STIM2: variants seen among roughly 807,000 people sequenced by gnomAD.
The protein encoded by STIM2 is stromal interaction molecule 2.
STIM2 carries 31 observed loss-of-function variants against 85.8 expected under a neutral mutation model. That is an observed-to-expected ratio of 0.36 (90% CI 0.27 to 0.49). The LOEUF (loss-of-function observed/expected upper bound fraction) is 0.49, where lower values mean the gene tolerates loss of function less well. Ranked by LOEUF, STIM2 falls within the 20% of genes least tolerant of loss-of-function variation. STIM2 has a pLI of 0.98. For missense variants in STIM2, 841 were observed against 927.6 expected, an observed-to-expected ratio of 0.91 and a Z score of 1.21; for synonymous variants, 356 against 331.1, an observed-to-expected ratio of 1.08 and a Z score of -0.82.
At chr4:26,874,595 A>G (rs575219222) in intron 1 of STIM2, among the ~76,000 whole-genome samples, 2 of 152,334 alleles carry the variant, frequency 1.3e-5, no homozygotes, top group East Asian at 1.9e-4. Context: ...GGATAATTTC[A>G]TATCTTTTCG....
chr4:27,017,899 G>A lies in STIM2; in HGVS notation c.1678G>A (p.Asp560Asn). The change falls in exon 11 of 12, where the codon GAT (aspartate) becomes AAT (asparagine). Residue 560 changes from aspartate (D) to asparagine (N), a missense_variant. By Grantham distance (23) the Asp-to-Asn change is conservative. Transcript: ENST00000467087. ...ACACTCCTTGCCTTCCCCTGATCCA[G>A]ATATCCTCTCAGTGTCAAGTTGCCC... 1.2e-6 allele frequency: 2 copies of A among 1,614,096 alleles called. No individual in the cohort carries two copies. The highest frequency in any genetic ancestry group is 2.2e-5 in the South Asian group (2 of 91,082).
intron 10 of STIM2, among the ~76,000 whole-genome samples, 174 bp from the exon 11 acceptor site, chr4:27,017,531 ATTTCTT>A (rs887454982): frequency 4.7e-5 from 7 of 149,688 alleles, no homozygotes; most frequent in African/African-American, 1.7e-4. Flanking sequence ...TTTTGTTTCT[ATTTCTT>A]AACTTTCCTA....
At chr4:26,964,220 T>C (rs778476658) in intron 3 of STIM2, among the ~76,000 whole-genome samples, 12 of 152,328 alleles carry the variant, frequency 7.9e-5, no homozygotes, top group Admixed American at 2.0e-4. Context: ...CATATTCCAG[T>C]GCTTACCAAT....
intron 4 of STIM2, among the ~76,000 whole-genome samples, chr4:26,997,542 CAT>C (rs1330013769): frequency 1.1e-4 from 16 of 152,222 alleles, no homozygotes; most frequent in Non-Finnish European, 2.2e-4. Flanking sequence ...CCTCTGGACT[CAT>C]ATTGAATCTC....
At chr4:26,995,638 T>C (rs1727935637) in intron 4 of STIM2, 148 bp downstream of exon 4, 1 of 386,484 alleles carries the variant, frequency 2.6e-6, no homozygotes, top group East Asian at 4.1e-5. Context: ...TTCTAAATTA[T>C]GCATTTTCAA....
At chr4:26,915,699 T>G (rs1724549927) in intron 1 of STIM2, among the ~76,000 whole-genome samples, 1 of 152,270 alleles carries the variant, frequency 6.6e-6, no homozygotes. Context: ...GCAGCTGGTT[T>G]CTTTTCCCTC....
At chr4:26,873,071 C>G (rs1324938494) in intron 1 of STIM2, among the ~76,000 whole-genome samples, 1 of 152,178 alleles carries the variant, frequency 6.6e-6, no homozygotes, top group Admixed American at 6.5e-5. Flanking sequence ...TGGTACAGAG[C>G]CTCATAGACC....
intron 2 of STIM2, among the ~76,000 whole-genome samples, chr4:26,949,108 GT>G (rs1007981524): frequency 4.6e-5 from 7 of 151,806 alleles, no homozygotes; most frequent in African/African-American, 1.7e-4. Context: ...TTTTCTTTTT[GT>G]TTAGATAGTC....
intron 1 of STIM2, among the ~76,000 whole-genome samples, chr4:26,885,859 A>ATATATATGTATATGTATATATATATATG (rs1560194659): frequency 1.1e-5 from 1 of 89,440 alleles, no homozygotes; most frequent in Admixed American, 1.2e-4. Flanking sequence ...ATATATATAT[A>ATATATATGTATATGTATATATATATATG]TATATATATA....
intron 1 of STIM2, among the ~76,000 whole-genome samples, chr4:26,893,955 C>T (rs1007810416): frequency 6.6e-6 from 1 of 152,074 alleles, no homozygotes; most frequent in Non-Finnish European, 1.5e-5. Context: ...GTGGCGTGAT[C>T]TCAGCTCACT....
At chr4:26,939,588 C>G (rs1450123453) in intron 2 of STIM2, among the ~76,000 whole-genome samples, 2 of 152,116 alleles carry the variant, frequency 1.3e-5, no homozygotes, top group Admixed American at 1.3e-4. Context: ...TCAGTCCTTG[C>G]TAACTGACCT....
chr4:26,878,274 C>T (rs1001885733), intron 1 of STIM2, among the ~76,000 whole-genome samples: 25 of 152,194 alleles, frequency 1.6e-4, no homozygotes, highest in Admixed American at 3.9e-4. Flanking sequence ...AGAACCTTTT[C>T]GGTCGTCCCT....
intron 4 of STIM2, among the ~76,000 whole-genome samples, chr4:26,996,740 A>G (rs1727973023): frequency 5.3e-5 from 8 of 152,182 alleles, no homozygotes; most frequent in Admixed American, 5.2e-4. Context: ...TTCTTAAATT[A>G]AAACAGAGTC....
chr4:26,961,421 T>C (rs976242305), intron 3 of STIM2, among the ~76,000 whole-genome samples: 7 of 152,184 alleles, frequency 4.6e-5, no homozygotes, highest in Non-Finnish European at 8.8e-5. Context: ...CCCTAATTAC[T>C]AGTGGCACAT....
intron 5 of STIM2, among the ~76,000 whole-genome samples, chr4:27,001,153 T>G (rs1275319566): frequency 6.6e-6 from 1 of 152,208 alleles, no homozygotes; most frequent in African/African-American, 2.4e-5. Context: ...CTCTTTTATG[T>G]CACCAAACTT....
chr4:26,918,740 T>C (rs1246760119), intron 1 of STIM2, among the ~76,000 whole-genome samples: 6 of 152,208 alleles, frequency 3.9e-5, no homozygotes, highest in Admixed American at 3.9e-4. Flanking sequence ...GTAATTTCCA[T>C]CAGTCATGTT....
intron 1 of STIM2, among the ~76,000 whole-genome samples, chr4:26,867,032 TGAG>T (rs1417894060): frequency 6.6e-6 from 1 of 152,188 alleles, no homozygotes; most frequent in Non-Finnish European, 1.5e-5. Context: ...TGGATGGCAA[TGAG>T]GAGATAACAG....
chr4:26,904,682 C>T lies in STIM2; in HGVS notation c.152-14822C>T, dbSNP rs79382846. 6.3e-3 allele frequency among the ~76,000 whole-genome samples: 953 copies of T among 150,608 alleles called. 12 individuals are homozygous for T. The highest frequency in any genetic ancestry group is 0.021 in the African/African-American group (879 of 40,886). Reference sequence around the variant, plus strand: ...GAGGAGAAAAATTAGAGACAGCCAGCGGGAATATTTTTAAGATTTTCTGCA... The same window carrying T: ...GAGGAGAAAAATTAGAGACAGCCAGTGGGAATATTTTTAAGATTTTCTGCA... On this transcript the variant is annotated intron_variant, in intron 1 of 11. Transcript: ENST00000467087.
intron 1 of STIM2, among the ~76,000 whole-genome samples, chr4:26,871,512 A>C (rs1299590670): frequency 2.0e-5 from 3 of 152,184 alleles, no homozygotes; most frequent in Non-Finnish European, 4.4e-5. Flanking sequence ...AATATATCTG[A>C]GGCCCAATAA....
Sources: allele counts gnomAD v4.1 joint callset (sites outside exome capture counted in the v4.1 genomes callset), GRCh38; gene constraint gnomAD v4.1.1; transcripts MANE v1.5; gene names NCBI Gene and HGNC (gene_info 2026-07-23, HGNC 2026-07-21).